Variants in SIPA1L2 observed in about 807,000 individuals in gnomAD.
SIPA1L2 encodes the protein signal-induced proliferation-associated 1-like protein 2.
A neutral mutation model predicts 163.9 loss-of-function variants in SIPA1L2; 56 were observed. The observed-to-expected ratio is 0.34, with a 90% CI of 0.28 to 0.43. The LOEUF is 0.43. Among genes scored for constraint, SIPA1L2 ranks in the 20% least tolerant of loss-of-function variants. The pLI is 1.00. For synonymous variants in SIPA1L2, 877 were observed against 865.7 expected (o/e 1.01, Z -0.23); for missense variants, 1,974 against 2,193.5 (o/e 0.90, Z 2.00).
intron 1 of SIPA1L2, among the ~76,000 whole-genome samples, chr1:232,620,148 G>A (rs999827227): frequency 3.9e-5 from 6 of 152,192 alleles, no homozygotes; most frequent in Admixed American, 3.9e-4. Context: ...CTCCCAAAGT[G>A]CTGGGATTAT....
chr1:232,581,458 G>A (rs970872619), intron 1 of SIPA1L2, among the ~76,000 whole-genome samples: 2 of 152,138 alleles, frequency 1.3e-5, no homozygotes, highest in Non-Finnish European at 2.9e-5. Context: ...AGGACAGAGA[G>A]AGAGAGGAAA....
At chr1:232,445,141 T>C (rs1177882652) in intron 11 of SIPA1L2, among the ~76,000 whole-genome samples, 1 of 152,212 alleles carries the variant, frequency 6.6e-6, no homozygotes. Context: ...ATTACTCACA[T>C]TATGATGATA....
intron 1 of SIPA1L2, among the ~76,000 whole-genome samples, chr1:232,590,717 A>G (rs944447730): frequency 7.2e-6 from 1 of 138,218 alleles, no homozygotes; most frequent in Non-Finnish European, 1.7e-5. Flanking sequence ...TAAAAAAACA[A>G]AAAAAGGAAA....
chr1:232,425,758 C>G lies in SIPA1L2; in HGVS notation c.4461G>C (p.Leu1487=). Residue 1487 remains leucine, a synonymous_variant, in exon 18 of 23, where the codon CTG becomes CTC. Coordinates refer to ENST00000674635, the MANE Select transcript of SIPA1L2 (RefSeq NM_020808.5). ...TGTTGCTGCAGATGCTCTCGTCAGA[C>G]AGCGTGCGGTAAAGCGACCTCCTTG... The part of the protein sequence containing the change: ...LSPRRSLYRT[L]SDESICSNRR... 8 of 1,614,140 alleles carry G rather than the reference C, an allele frequency of 5.0e-6. No homozygotes were observed. The highest frequency in any genetic ancestry group is 6.8e-6 in the Non-Finnish European group (8 of 1,180,012).
chr1:232,562,997 T>A lies in SIPA1L2; in HGVS notation c.-270+11177A>T, dbSNP rs1317840330. Among the ~76,000 whole-genome samples, 4 of 152,220 alleles carry A rather than the reference T, an allele frequency of 2.6e-5. No homozygotes were observed. The East Asian group carries it at 7.7e-4, about 29-fold the overall frequency. ...CCTGTTAGACTGCCAAACCACTGTA[T>A]TTTTAAGCTATTCAGATGCTTTCTG... On this transcript the variant is annotated intron_variant, in intron 2 of 22. Coordinates refer to ENST00000674635, the MANE Select transcript of SIPA1L2 (RefSeq NM_020808.5).
In SIPA1L2 at chr1:232,597,689, CAAAAA is replaced by C. The variant is rs376123118; in HGVS notation, c.-318-23472_-318-23468del. Among the ~76,000 whole-genome samples, 553 of 65,362 alleles carry C rather than the reference CAAAAA, an allele frequency of 8.5e-3. 4 individuals are homozygous for C. The highest frequency in any genetic ancestry group is 0.053 in the South Asian group (76 of 1,436). The allele number at this position is 65,362 out of a possible 152,430, so 42.9% of individuals were successfully genotyped here. A position where few individuals can be genotyped will look rare whatever the true frequency, so the allele number is the denominator to read the frequency against. On this transcript the variant is annotated intron_variant, in intron 1 of 22. Transcript: ENST00000674635. ...TGGGCGACAGAGCGAAACTCTGTCT[CAAAAA>C]AAAAAAAAAAAAAAAAAAAAAGTAA...
At chr1:232,583,592 G>C (rs1660498191) in intron 1 of SIPA1L2, among the ~76,000 whole-genome samples, 1 of 151,938 alleles carries the variant, frequency 6.6e-6, no homozygotes, top group Non-Finnish European at 1.5e-5. Context: ...TCAAGACTGG[G>C]GAATTCTATT....
At position 232,515,256 on chromosome 1, in the gene SIPA1L2, CATG is replaced by C; in HGVS notation, c.81_83del (p.Ile27del). 6.2e-7 allele frequency: 1 copy of C among 1,614,080 alleles called. No individual in the cohort carries two copies. Among genetic ancestry groups the C allele is most frequent in the South Asian group, 1.1e-5 (1 of 91,068 alleles). On this transcript the variant is annotated inframe_deletion, in exon 3 of 23. Coordinates refer to ENST00000674635, the MANE Select transcript of SIPA1L2 (RefSeq NM_020808.5). ...TCCGAGCAAAATAATCATCTGACTGCATGATTCTAGGGGGATCCTTGAACTTTG... is the reference window on the plus strand; with the variant it reads ...TCCGAGCAAAATAATCATCTGACTGCATTCTAGGGGGATCCTTGAACTTTG...
At chr1:232,564,282 A>G (rs111741741) in intron 2 of SIPA1L2, among the ~76,000 whole-genome samples, 4,390 of 41,248 alleles carry the variant, frequency 0.11, 187 homozygotes, top group African/African-American at 0.24. Context: ...GTGTGTGTGT[A>G]TGATGGAGTT....
chr1:232,404,023 C>T, intron 20 of SIPA1L2, 102 bp downstream of exon 20: 1 of 1,360,132 alleles, frequency 7.4e-7, no homozygotes, highest in African/African-American at 1.4e-5. Flanking sequence ...TGTGCACCCC[C>T]AACCCTCAGG....
intron 16 of SIPA1L2, among the ~76,000 whole-genome samples, chr1:232,430,311 A>G (rs1171620589): frequency 6.6e-6 from 1 of 152,252 alleles, no homozygotes; most frequent in East Asian, 1.9e-4. Flanking sequence ...ATTTAGGCAG[A>G]GGGAACAGCA....
At chr1:232,407,229 T>C (rs935631410) in intron 19 of SIPA1L2, among the ~76,000 whole-genome samples, 1 of 152,254 alleles carries the variant, frequency 6.6e-6, no homozygotes, top group Non-Finnish European at 1.5e-5. Context: ...TATTCCAAAT[T>C]TGACTTTGCA....
At position 232,461,048 on chromosome 1, in the gene SIPA1L2, G is replaced by C; in HGVS notation, c.2934C>G (p.Gly978=). ...EGIVADVEPF[G]FAWKAGLRQG... ...GGCGAAGGCCAGCCTTCCAGGCAAA[G>C]CCAAAAGGTTCCACATCTGCGACAA... Residue 978 remains glycine (G), a synonymous_variant, in exon 10 of 23, where the codon GGC becomes GGG. Transcript: ENST00000674635. 6.2e-7 allele frequency: 1 copy of C among 1,614,286 alleles called. No individual in the cohort carries two copies. Among genetic ancestry groups the C allele is most frequent in the Non-Finnish European group, 8.5e-7 (1 of 1,180,050 alleles).
chr1:232,530,122 C>CT (rs869070747), intron 2 of SIPA1L2, among the ~76,000 whole-genome samples: 2,306 of 145,430 alleles, frequency 0.016, 59 homozygotes, highest in African/African-American at 0.053. Context: ...ACCATTTATT[C>CT]TTTTTTTTTT....
chr1:232,557,811 A>C (rs1241244069), intron 2 of SIPA1L2, among the ~76,000 whole-genome samples: 1 of 152,250 alleles, frequency 6.6e-6, no homozygotes, highest in Non-Finnish European at 1.5e-5. Context: ...GTGAAGACAC[A>C]AAAGATTGTC....
At chr1:232,609,052 T>C (rs1573169866) in intron 1 of SIPA1L2, among the ~76,000 whole-genome samples, 2 of 152,350 alleles carry the variant, frequency 1.3e-5, no homozygotes, top group African/African-American at 2.4e-5. Flanking sequence ...CAATTTAATT[T>C]TGTCTCTCTA....
chr1:232,621,765 T>C (rs1167795967), intron 1 of SIPA1L2, among the ~76,000 whole-genome samples: 1 of 151,810 alleles, frequency 6.6e-6, no homozygotes, highest in African/African-American at 2.4e-5. Flanking sequence ...AGGGTCTCAC[T>C]CTGTCACACA....
chr1:232,470,507 G>GT, intron 8 of SIPA1L2, among the ~76,000 whole-genome samples: 1 of 152,284 alleles, frequency 6.6e-6, no homozygotes, highest in Middle Eastern at 3.4e-3. Flanking sequence ...AGCAAGCTCT[G>GT]TAGTCTTCAC....
intron 20 of SIPA1L2, 149 bp downstream of exon 20, chr1:232,403,976 G>C: frequency 1.3e-6 from 1 of 790,048 alleles, no homozygotes; most frequent in Non-Finnish European, 2.0e-6. Context: ...ACCCGGAGAA[G>C]GTTCTGGAGA....
Sources: gnomAD v4.1 joint callset for allele counts (sites outside exome capture counted in the v4.1 genomes callset) on GRCh38, gnomAD v4.1.1 for gene constraint, MANE v1.5 for transcripts, NCBI Gene and HGNC (gene_info 2026-07-23, HGNC 2026-07-21) for gene names.